Variants in BPTF observed in about 807,000 individuals in gnomAD.
BPTF encodes nucleosome-remodeling factor subunit BPTF.
Under a neutral mutation model 292.5 loss-of-function variants are expected in BPTF, and 18 were observed. That is an observed-to-expected ratio of 0.06 (90% CI 0.04 to 0.09). The LOEUF is 0.09. Among genes scored for constraint, BPTF ranks in the 10% least tolerant of loss-of-function variants. BPTF has a pLI of 1.00. For missense variants in BPTF, 2,726 were observed against 3,498.7 expected, an observed-to-expected ratio of 0.78 and a Z score of 5.57; for synonymous variants, 1,225 against 1,251.9, an observed-to-expected ratio of 0.98 and a Z score of 0.45.
chr17:67,827,294 A>G (rs1282653702), intron 1 of BPTF, among the ~76,000 whole-genome samples: 2 of 152,018 alleles, frequency 1.3e-5, no homozygotes, highest in African/African-American at 4.8e-5. Context: ...TTTTCACTCT[A>G]TTTCTGAGGA....
chr17:67,916,544 C>T (rs2063001742), intron 11 of BPTF, among the ~76,000 whole-genome samples: 2 of 151,414 alleles, frequency 1.3e-5, no homozygotes, highest in African/African-American at 2.4e-5. Context: ...GAGCCGAGAT[C>T]GCGCCATTGC....
Position 67,982,387 on chromosome 17 carries a change from C to CTAA in BPTF, c.*99_*100insTAA. ...GATGTTTTTAGTCAGGCTATCCTGA[C>CTAA]AAGACTTGACCTAAACTTCGTTTTT... On this transcript the variant is annotated 3_prime_UTR_variant, in exon 28 of 28. Coordinates refer to ENST00000306378, the MANE Select transcript of BPTF (RefSeq NM_182641.4). 8.7e-7 allele frequency: 1 copy of CTAA among 1,155,580 alleles called. No individual in the cohort carries two copies. Among genetic ancestry groups the CTAA allele is most frequent in the Non-Finnish European group, 1.3e-6 (1 of 791,470 alleles). The allele number at this position is 1,155,580 out of a possible 1,614,324, so 71.6% of individuals were successfully genotyped here. A position where few individuals can be genotyped will look rare whatever the true frequency, so the allele number is the denominator to read the frequency against.
At chr17:67,974,435 C>T (rs1326830209) in intron 26 of BPTF, 1 of 152,114 alleles carries the variant, frequency 6.6e-6, no homozygotes, top group African/African-American at 2.4e-5. Flanking sequence ...ACCTGAGTGT[C>T]TTCTAATTCA....
At chr17:67,898,406 A>T (rs2146471937) in intron 7 of BPTF, among the ~76,000 whole-genome samples, 1 of 152,312 alleles carries the variant, frequency 6.6e-6, no homozygotes, top group East Asian at 1.9e-4. Context: ...TCATCTCATT[A>T]GATGCCAAGA....
At position 67,910,858 on chromosome 17, in the gene BPTF, A is replaced by C. The variant is rs895389754; in HGVS notation, c.2993-19A>C. ...TTCAGAGTAAAAATTACATTTATAT[A>C]AATGTCTTTGTTTCACAGATGTGAA... On this transcript the variant is annotated intron_variant, in intron 10 of 27. Transcript: ENST00000306378. 6.6e-7 allele frequency: 1 copy of C among 1,517,464 alleles called. No homozygotes were observed. The highest frequency in any genetic ancestry group is 2.3e-5 in the East Asian group (1 of 43,904). The allele number at this position is 1,517,464 out of a possible 1,614,324, so 94.0% of individuals were successfully genotyped here. A position where few individuals can be genotyped will look rare whatever the true frequency, so the allele number is the denominator to read the frequency against.
intron 2 of BPTF, among the ~76,000 whole-genome samples, chr17:67,857,964 T>A (rs1294605280): frequency 2.0e-5 from 3 of 151,750 alleles, no homozygotes; most frequent in Non-Finnish European, 4.4e-5. Context: ...ATTTTTGTAT[T>A]TATAGTAGAG....
rs1555693404 is a variant in BPTF at position 67,975,585 on chromosome 17, A to T, written c.8540-187A>T. 7.8e-6 allele frequency: 4 copies of T among 513,548 alleles called. No homozygotes were observed. The African/African-American group carries it at 7.8e-5, about 10-fold the overall frequency. 31.8% of individuals were successfully genotyped at this position (513,548 alleles called of 1,614,324 possible). The stretch of plus-strand genomic sequence containing the variant: ...ACCCGGATTTATATTTTAGAACCTC[A>T]ATCAGAAACAAAATTGGAAAAGTAC... On this transcript the variant is annotated intron_variant, in intron 26 of 27. Coordinates refer to ENST00000306378, the MANE Select transcript of BPTF (RefSeq NM_182641.4).
rs775833597 is a variant in BPTF, at chr17:67,853,925, C to T, written c.614-15C>T. On this transcript the variant is annotated splice_polypyrimidine_tract_variant and intron_variant, in intron 1 of 27. Transcript: ENST00000306378. ...AATGTATTGATTTGTAATGATGTCA[C>T]GTCTTTATCTACAGGTAGGCGAAAA... is the stretch of plus-strand genomic sequence containing the variant. 2.7e-5 allele frequency: 43 copies of T among 1,587,876 alleles called. No homozygotes were observed. Among genetic ancestry groups the T allele is most frequent in the East Asian group, 9.0e-5 (4 of 44,550 alleles).
At chr17:67,873,243 A>G (rs1335876671) in intron 3 of BPTF, among the ~76,000 whole-genome samples, 1 of 152,074 alleles carries the variant, frequency 6.6e-6, no homozygotes, top group Admixed American at 6.6e-5. Context: ...GGATCACCTG[A>G]GGTCAGGAGT....
chr17:67,942,366 C>G (rs1555672374), intron 19 of BPTF, among the ~76,000 whole-genome samples: 1 of 152,014 alleles, frequency 6.6e-6, no homozygotes, highest in Non-Finnish European at 1.5e-5. Flanking sequence ...AAGAAGAAAT[C>G]TAAATGTCCC....
intron 13 of BPTF, among the ~76,000 whole-genome samples, chr17:67,921,382 C>G (rs1461437775): frequency 4.6e-5 from 7 of 151,508 alleles, no homozygotes; most frequent in Admixed American, 3.3e-4. Flanking sequence ...AAAAATTAGC[C>G]AGGTGTGGTG....
Position 67,825,711 on chromosome 17 carries a change from G to A in BPTF, c.-14G>A. ...CCCCCTTCGCTTTCCTTCTCCCCCC[G>A]CCTCGGCTCCGACATGAGGGGCCGG... is the stretch of plus-strand genomic sequence containing the variant. On this transcript the variant is annotated 5_prime_UTR_variant, in exon 1 of 28. Coordinates refer to ENST00000306378, the MANE Select transcript of BPTF (RefSeq NM_182641.4). The A allele has an allele frequency of 1.6e-6, 1 of 606,302 alleles. No homozygotes were observed. The highest frequency in any genetic ancestry group is 1.5e-4 in the East Asian group (1 of 6,886). The allele number at this position is 606,302 out of a possible 1,614,324, so 37.6% of individuals were successfully genotyped here.
chr17:67,876,231 G>A (rs1355057533), intron 4 of BPTF, among the ~76,000 whole-genome samples: 1 of 152,160 alleles, frequency 6.6e-6, no homozygotes, highest in African/African-American at 2.4e-5. Flanking sequence ...AATGTAAGTT[G>A]ACCAGTAATT....
chr17:67,981,520 A>G, intron 27 of BPTF: 1 of 1,129,296 alleles, frequency 8.9e-7, no homozygotes, highest in Non-Finnish European at 1.1e-6. Flanking sequence ...CCTCGTGATT[A>G]CCTAATTCAA....
chr17:67,875,038 T>C lies in BPTF; in HGVS notation c.1864+18T>C. Reference sequence around the variant, plus strand: ...ATCTGAGGGTAAAAAAATTACTTGATTAAAAAGAAATATTTCATTAGTGTT... The same window carrying C: ...ATCTGAGGGTAAAAAAATTACTTGACTAAAAAGAAATATTTCATTAGTGTT... On this transcript the variant is annotated intron_variant, in intron 4 of 27. Coordinates refer to ENST00000306378, the MANE Select transcript of BPTF (RefSeq NM_182641.4). The C allele has an allele frequency of 6.3e-7, 1 of 1,586,692 alleles. No individual in the cohort carries two copies. The highest frequency in any genetic ancestry group is 8.6e-7 in the Non-Finnish European group (1 of 1,166,048).
intron 2 of BPTF, among the ~76,000 whole-genome samples, chr17:67,855,568 C>A (rs2058640325): frequency 6.6e-6 from 1 of 152,172 alleles, no homozygotes; most frequent in Non-Finnish European, 1.5e-5. Context: ...CATAGTCTGG[C>A]CTCAGTGTTC....
chr17:67,892,048 GT>G lies in BPTF; in HGVS notation c.2055+17del, dbSNP rs2061149624. The G allele has an allele frequency of 6.6e-7, 1 of 1,509,354 alleles. No individual in the cohort carries two copies. Among genetic ancestry groups the G allele is most frequent in the African/African-American group, 1.4e-5 (1 of 70,126 alleles). 93.5% of individuals were successfully genotyped at this position (1,509,354 alleles called of 1,614,324 possible). A position where few individuals can be genotyped will look rare whatever the true frequency, so the allele number is the denominator to read the frequency against. On this transcript the variant is annotated intron_variant, in intron 5 of 27. Coordinates refer to ENST00000306378, the MANE Select transcript of BPTF (RefSeq NM_182641.4). ...GAGGGCAAAGAGGTGTGTTCTTTCT[GT>G]TTAAAACAAAAATCTGTGGAATGTG...
intron 3 of BPTF, among the ~76,000 whole-genome samples, chr17:67,874,060 A>G (rs1422977161): frequency 2.0e-5 from 3 of 152,016 alleles, no homozygotes; most frequent in Admixed American, 2.0e-4. Context: ...ACTCGGAAAA[A>G]GTCCCCAGTG....
chr17:67,912,018 A>G lies in BPTF; in HGVS notation c.4134A>G (p.Gln1378=), dbSNP rs2062687545. Residue 1378 remains glutamine (Q), a synonymous_variant, in exon 11 of 28, where the codon CAA becomes CAG. Transcript: ENST00000306378. ...GACCAGTTAATAAATGTAGTGATCA[A>G]ATAAAGCTAAAAAATACCACTGACA... ...EERPVNKCSD[Q]IKLKNTTDKK... is the part of the protein sequence containing the mutation. 2.5e-6 allele frequency: 4 copies of G among 1,613,348 alleles called. No individual in the cohort carries two copies. Among genetic ancestry groups the G allele is most frequent in the Non-Finnish European group, 3.4e-6 (4 of 1,179,882 alleles).
Sources: gnomAD v4.1 joint callset for allele counts (sites outside exome capture counted in the v4.1 genomes callset) on GRCh38, gnomAD v4.1.1 for gene constraint, MANE v1.5 for transcripts, NCBI Gene and HGNC (gene_info 2026-07-23, HGNC 2026-07-21) for gene names.